Variants in ROBO1 observed in about 807,000 individuals in gnomAD.
The protein encoded by ROBO1 is roundabout guidance receptor 1.
ROBO1 carries 149 observed loss-of-function variants against 195.9 expected under a neutral mutation model. The observed-to-expected ratio is 0.76, with a 90% CI of 0.67 to 0.87. The LOEUF is 0.87. Among genes scored for constraint, ROBO1 ranks in the 40% least tolerant of loss-of-function variants. The probability of loss-of-function intolerance (pLI) is 0.00; values close to 1 mark genes in which losing one functional copy is unlikely to be tolerated. For missense variants in ROBO1, 1,933 were observed against 2,068.3 expected (o/e 0.93, Z 1.27); for synonymous variants, 816 against 733.2 (o/e 1.11, Z -1.82).
At chr3:79,625,423 G>GAAAAAAAAAAAAAAAAAAAAAAAAAAA in intron 1 of ROBO1, among the ~76,000 whole-genome samples, 11 of 13,882 alleles carry the variant, frequency 7.9e-4, no homozygotes, top group East Asian at 6.4e-3. Context: ...TGTTTTTTTT[G>GAAAAAAAAAAAAAAAAAAAAAAAAAAA]AAAAAAAAAA....
At chr3:79,372,258 G>A (rs2036224154) in intron 2 of ROBO1, among the ~76,000 whole-genome samples, 1 of 150,746 alleles carries the variant, frequency 6.6e-6, no homozygotes, top group Non-Finnish European at 1.5e-5. Context: ...TAAGGCTGGA[G>A]TGCAGGAGCA....
At chr3:79,725,472 C>A (rs1032383706) in intron 1 of ROBO1, among the ~76,000 whole-genome samples, 1 of 151,834 alleles carries the variant, frequency 6.6e-6, no homozygotes, top group Non-Finnish European at 1.5e-5. Context: ...GTGATCCGCC[C>A]GCCTCGGCCT....
At chr3:78,881,041 T>C (rs912320781) in intron 4 of ROBO1, among the ~76,000 whole-genome samples, 4 of 152,222 alleles carry the variant, frequency 2.6e-5, no homozygotes, top group Non-Finnish European at 5.9e-5. Context: ...TTATGAATAT[T>C]GGCTGCCGCA....
At chr3:78,862,055 G>T (rs1244175273) in intron 4 of ROBO1, among the ~76,000 whole-genome samples, 1 of 152,138 alleles carries the variant, frequency 6.6e-6, no homozygotes, top group East Asian at 1.9e-4. Context: ...ATGTAGTTAA[G>T]GTTACCGAAC....
intron 21 of ROBO1, among the ~76,000 whole-genome samples, chr3:78,644,190 G>A (rs929123011): frequency 3.9e-5 from 6 of 151,936 alleles, no homozygotes; most frequent in African/African-American, 1.5e-4. Context: ...AGGCCCCTTC[G>A]TAAAGCATCC....
intron 2 of ROBO1, among the ~76,000 whole-genome samples, chr3:79,259,987 C>T (rs1031905078): frequency 6.6e-6 from 1 of 151,798 alleles, no homozygotes; most frequent in Non-Finnish European, 1.5e-5. Context: ...CTCCCTTCAC[C>T]AGTTTATCAA....
rs988397632 is a variant in ROBO1, at chr3:79,699,043, C to T, written c.-51+68709G>A. Among the ~76,000 whole-genome samples the T allele has an allele frequency of 2.0e-5, 3 of 149,412 alleles. No homozygotes were observed. The Admixed American group carries it at 2.0e-4, about 10-fold the overall frequency. Reference sequence around the variant, plus strand: ...TGTGTAGTTTTTTTCAAAGAGAGATCATTAAAGGACGTTTATAACTAAGAT... The same window carrying T: ...TGTGTAGTTTTTTTCAAAGAGAGATTATTAAAGGACGTTTATAACTAAGAT... On this transcript the variant is annotated intron_variant, in intron 1 of 30. Coordinates refer to ENST00000464233, the MANE Select transcript of ROBO1 (RefSeq NM_002941.4).
intron 3 of ROBO1, among the ~76,000 whole-genome samples, chr3:78,967,199 C>T (rs2076665734): frequency 6.6e-6 from 1 of 152,100 alleles, no homozygotes; most frequent in Non-Finnish European, 1.5e-5. Context: ...GGTTCAGGGC[C>T]AGAGGAGCCC....
At chr3:79,205,071 C>G (rs918946255) in intron 2 of ROBO1, among the ~76,000 whole-genome samples, 1 of 152,124 alleles carries the variant, frequency 6.6e-6, no homozygotes, top group Non-Finnish European at 1.5e-5. Flanking sequence ...TGGCTCACAG[C>G]AACCTCTACC....
At chr3:79,123,000 T>C (rs980317391) in intron 3 of ROBO1, among the ~76,000 whole-genome samples, 6 of 152,044 alleles carry the variant, frequency 3.9e-5, no homozygotes, top group African/African-American at 9.6e-5. Flanking sequence ...TGTGTAAATA[T>C]AGATGCCACA....
chr3:79,752,939 GA>G (rs1704200008), intron 1 of ROBO1, among the ~76,000 whole-genome samples: 1 of 152,276 alleles, frequency 6.6e-6, no homozygotes, highest in African/African-American at 2.4e-5. Flanking sequence ...AGGCAGTAGG[GA>G]GTGGGGAAAA....
chr3:79,620,016 A>G (rs1268602684), intron 1 of ROBO1, among the ~76,000 whole-genome samples: 1 of 152,182 alleles, frequency 6.6e-6, no homozygotes, highest in East Asian at 1.9e-4. Context: ...TCTCCAGCAT[A>G]CAAGAACTTC....
chr3:79,247,927 A>G lies in ROBO1; in HGVS notation c.89-122388T>C, dbSNP rs957768035. Among the ~76,000 whole-genome samples the G allele has an allele frequency of 4.6e-5, 7 of 152,136 alleles. No homozygotes were observed. The East Asian group carries it at 1.4e-3, about 29-fold the overall frequency. On this transcript the variant is annotated intron_variant, in intron 2 of 30. Coordinates refer to ENST00000464233, the MANE Select transcript of ROBO1 (RefSeq NM_002941.4). ...AGACATGAGTGCATGTGGATTTGGGAATGTGTTTCCCTGCCGGAAATCATT... is the reference window on the plus strand; with the variant it reads ...AGACATGAGTGCATGTGGATTTGGGGATGTGTTTCCCTGCCGGAAATCATT...
At chr3:78,823,590 C>CCCT (rs2031261127) in intron 4 of ROBO1, among the ~76,000 whole-genome samples, 1 of 152,162 alleles carries the variant, frequency 6.6e-6, no homozygotes, top group African/African-American at 2.4e-5. Context: ...AGAGGACATG[C>CCCT]CCTCTGAGGT....
chr3:79,419,013 C>T (rs746044021), intron 2 of ROBO1, among the ~76,000 whole-genome samples: 30 of 152,030 alleles, frequency 2.0e-4, no homozygotes, highest in African/African-American at 6.3e-4. Context: ...AAGACCTACA[C>T]GTGCATTTGC....
intron 1 of ROBO1, among the ~76,000 whole-genome samples, chr3:79,675,684 AT>A (rs1459015642): frequency 6.6e-6 from 1 of 152,062 alleles, no homozygotes; most frequent in African/African-American, 2.4e-5. Context: ...TGCTGAGAAA[AT>A]GGGGGAAAAA....
intron 2 of ROBO1, among the ~76,000 whole-genome samples, chr3:79,333,152 G>A (rs1432994489): frequency 6.6e-5 from 10 of 151,046 alleles, no homozygotes; most frequent in Non-Finnish European, 1.5e-4. Flanking sequence ...CCAGTGAGCC[G>A]AGACGGCGCC....
intron 1 of ROBO1, among the ~76,000 whole-genome samples, chr3:79,743,726 AT>A (rs1362407545): frequency 1.3e-5 from 2 of 152,126 alleles, no homozygotes; most frequent in Non-Finnish European, 2.9e-5. Flanking sequence ...CTTTTATTCA[AT>A]TTTTGACATT....
chr3:78,931,534 C>A (rs162170), intron 4 of ROBO1, among the ~76,000 whole-genome samples: 2 of 151,834 alleles, frequency 1.3e-5, no homozygotes, highest in African/African-American at 4.8e-5. Context: ...GCATGAGCCA[C>A]CGTGCCCAGC....
Sources: gnomAD v4.1 joint callset for allele counts (sites outside exome capture counted in the v4.1 genomes callset) on GRCh38, gnomAD v4.1.1 for gene constraint, MANE v1.5 for transcripts, NCBI Gene and HGNC (gene_info 2026-07-23, HGNC 2026-07-21) for gene names.